RBFOX1: variants seen among roughly 807,000 people sequenced by gnomAD.
RBFOX1 encodes RNA binding fox-1 homolog 1.
RBFOX1 carries 8 observed loss-of-function variants against 57.7 expected under a neutral mutation model. The ratio of observed to expected loss-of-function variants is 0.14; its 90% CI spans 0.08 to 0.25. RBFOX1 has a LOEUF of 0.25. Ranked by LOEUF, RBFOX1 falls within the 10% of genes least tolerant of loss-of-function variation. RBFOX1 has a pLI of 1.00. For missense variants in RBFOX1, 611 were observed against 548.5 expected, an observed-to-expected ratio of 1.11 and a Z score of -1.14; for synonymous variants, 326 against 222.4, an observed-to-expected ratio of 1.47 and a Z score of -4.15.
intron 2 of RBFOX1, among the ~76,000 whole-genome samples, chr16:6,458,300 C>A (rs144815173): frequency 1.5e-5 from 2 of 133,948 alleles, no homozygotes; most frequent in African/African-American, 5.4e-5. Flanking sequence ...GTGGGACTAC[C>A]TGTGTTCTCA....
chr16:5,584,677 G>T (rs931058772), intron 2 of RBFOX1, among the ~76,000 whole-genome samples: 1 of 152,170 alleles, frequency 6.6e-6, no homozygotes, highest in African/African-American at 2.4e-5. Context: ...ACACAGATGG[G>T]AGAGGAGGGC....
At chr16:5,521,827 T>G (rs187914966) in intron 2 of RBFOX1, among the ~76,000 whole-genome samples, 1 of 152,342 alleles carries the variant, frequency 6.6e-6, no homozygotes, top group East Asian at 1.9e-4. Flanking sequence ...CCCCGGAAGT[T>G]CACATGTTAT....
chr16:5,468,637 A>G (rs1483959183), intron 2 of RBFOX1, among the ~76,000 whole-genome samples: 2 of 152,244 alleles, frequency 1.3e-5, no homozygotes, highest in Non-Finnish European at 2.9e-5. Flanking sequence ...GGAAGCCAAA[A>G]GGAGAAATAG....
intron 4 of RBFOX1, among the ~76,000 whole-genome samples, chr16:7,100,262 G>T (rs2062445504): frequency 6.6e-6 from 1 of 152,056 alleles, no homozygotes; most frequent in Non-Finnish European, 1.5e-5. Context: ...AGAATAAAAT[G>T]CTCATGAAAA....
At chr16:5,584,061 A>C (rs946633784) in intron 2 of RBFOX1, among the ~76,000 whole-genome samples, 1 of 152,172 alleles carries the variant, frequency 6.6e-6, no homozygotes, top group Admixed American at 6.5e-5. Context: ...CCATTTCTGC[A>C]TCAGTGGCCT....
chr16:7,359,766 C>T (rs997020583), intron 4 of RBFOX1, among the ~76,000 whole-genome samples: 1 of 152,108 alleles, frequency 6.6e-6, no homozygotes, highest in African/African-American at 2.4e-5. Flanking sequence ...GGGTGGATCA[C>T]AAGTTCAGGA....
intron 5 of RBFOX1, among the ~76,000 whole-genome samples, chr16:7,523,624 G>A (rs1462961749): frequency 1.3e-5 from 2 of 152,152 alleles, no homozygotes; most frequent in Non-Finnish European, 1.5e-5. Context: ...GGATTTTAAA[G>A]GAAAGACAGC....
chr16:6,708,842 G>A (rs1250199594), intron 3 of RBFOX1, among the ~76,000 whole-genome samples: 3 of 152,162 alleles, frequency 2.0e-5, no homozygotes, highest in African/African-American at 4.8e-5. Flanking sequence ...TGATGAGTAA[G>A]AAATTGTAAT....
chr16:6,015,812 C>A (rs947538963), upstream of RBFOX1, among the ~76,000 whole-genome samples: 9 of 152,190 alleles, frequency 5.9e-5, no homozygotes, highest in Non-Finnish European at 1.3e-4. Flanking sequence ...GCTCCTGCTC[C>A]GTATTGGCCA....
chr16:5,455,227 G>C (rs1286715177), intron 1 of RBFOX1, among the ~76,000 whole-genome samples: 3 of 151,902 alleles, frequency 2.0e-5, no homozygotes, highest in Non-Finnish European at 4.4e-5. Flanking sequence ...TTACTGACCA[G>C]AGTGCCTTCA....
chr16:5,638,461 C>T (rs2048757307), intron 3 of RBFOX1, among the ~76,000 whole-genome samples: 1 of 152,112 alleles, frequency 6.6e-6, no homozygotes, highest in Non-Finnish European at 1.5e-5. Flanking sequence ...CTAGGGGCCT[C>T]CATTGCCTCT....
intron 4 of RBFOX1, among the ~76,000 whole-genome samples, chr16:5,907,295 G>A (rs539674293): frequency 6.6e-6 from 1 of 151,938 alleles, no homozygotes; most frequent in Non-Finnish European, 1.5e-5. Flanking sequence ...CTCTGTGCAT[G>A]CCCCTGGACC....
intron 3 of RBFOX1, among the ~76,000 whole-genome samples, chr16:7,025,512 A>G (rs2040636207): frequency 6.6e-6 from 1 of 152,182 alleles, no homozygotes; most frequent in Non-Finnish European, 1.5e-5. Context: ...CCTATGGAAG[A>G]TGGAGTTGCT....
At chr16:7,424,196 G>C (rs1196857577) in intron 4 of RBFOX1, among the ~76,000 whole-genome samples, 1 of 151,908 alleles carries the variant, frequency 6.6e-6, no homozygotes, top group African/African-American at 2.4e-5. Flanking sequence ...TTTTTTAAAA[G>C]AAGTGCTCAA....
intron 14 of RBFOX1, among the ~76,000 whole-genome samples, chr16:7,682,604 T>C (rs1170104874): frequency 2.0e-5 from 3 of 151,534 alleles, no homozygotes; most frequent in African/African-American, 2.4e-5. Flanking sequence ...TTGGGTTCTA[T>C]AATTTTTTTT....
chr16:5,986,514 C>G (rs1406564901), intron 4 of RBFOX1, among the ~76,000 whole-genome samples: 1 of 152,180 alleles, frequency 6.6e-6, no homozygotes, highest in African/African-American at 2.4e-5. Flanking sequence ...CTGTAAGTGT[C>G]CCTTTCATAC....
intron 2 of RBFOX1, among the ~76,000 whole-genome samples, chr16:6,561,671 T>C (rs1021959823): frequency 1.3e-5 from 2 of 152,240 alleles, no homozygotes; most frequent in South Asian, 4.1e-4. Flanking sequence ...TTTATCTTTT[T>C]GTTTTTTCTT....
intron 3 of RBFOX1, among the ~76,000 whole-genome samples, chr16:5,708,876 A>G (rs1221382706): frequency 2.0e-5 from 3 of 152,212 alleles, no homozygotes; most frequent in Admixed American, 6.5e-5. Flanking sequence ...ATTATTGAGA[A>G]TAAACCCAAT....
chr16:7,077,545 C>A (rs1310599998), intron 4 of RBFOX1, among the ~76,000 whole-genome samples: 1 of 152,176 alleles, frequency 6.6e-6, no homozygotes, highest in Non-Finnish European at 1.5e-5. Context: ...TATTTGCAGC[C>A]TGTCATCATA....
Sources: gnomAD v4.1 joint callset for allele counts (sites outside exome capture counted in the v4.1 genomes callset) on GRCh38, gnomAD v4.1.1 for gene constraint, MANE v1.5 for transcripts, NCBI Gene and HGNC (gene_info 2026-07-23, HGNC 2026-07-21) for gene names.